CAND1: variants seen among roughly 807,000 people sequenced by gnomAD.
CAND1 encodes cullin associated and neddylation dissociated 1, also known as cullin-associated NEDD8-dissociated protein 1.
In CAND1, 7 loss-of-function variants were observed where a neutral mutation model predicts 108.5. That is an observed-to-expected ratio of 0.06 (90% CI 0.04 to 0.12). CAND1 has a LOEUF of 0.12. CAND1 is among the 10% of genes least tolerant of loss of function. The pLI, the probability that CAND1 is intolerant of heterozygous loss-of-function variation, is 1.00. For missense variants in CAND1, 941 were observed against 1,448.7 expected, an observed-to-expected ratio of 0.65 and a Z score of 5.69; for synonymous variants, 534 against 512.0, an observed-to-expected ratio of 1.04 and a Z score of -0.58.
chr12:67,295,314 A>G (rs1385181202), intron 4 of CAND1, among the ~76,000 whole-genome samples, 158 bp downstream of exon 4: 3 of 152,246 alleles, frequency 2.0e-5, no homozygotes, highest in Admixed American at 1.3e-4. Flanking sequence ...TGAGGGGGAA[A>G]TAAGCTAATT....
chr12:67,272,098 A>G (rs1029310618), intron 1 of CAND1, among the ~76,000 whole-genome samples: 2 of 152,238 alleles, frequency 1.3e-5, no homozygotes, highest in African/African-American at 4.8e-5. Flanking sequence ...TACATATTTT[A>G]AAAATACCTA....
chr12:67,303,220 T>C (rs1456922721), intron 8 of CAND1, among the ~76,000 whole-genome samples: 2 of 152,152 alleles, frequency 1.3e-5, no homozygotes, highest in Non-Finnish European at 2.9e-5. Context: ...GGCATTCTCC[T>C]ATCTTATATG....
In CAND1 at chr12:67,296,434, C is replaced by CT. The variant is rs879414948; in HGVS notation, c.492-962dup. ...AGAATACAGAAAATCATTTAGATTT[C>CT]TTTTTTTTTTTCTTTCTTGAGATGG... is the stretch of plus-strand genomic sequence containing the variant. On this transcript the variant is annotated intron_variant, in intron 4 of 14. Transcript: ENST00000545606. Among the ~76,000 whole-genome samples, 922 of 147,722 alleles carry CT rather than the reference C, an allele frequency of 6.2e-3. 10 individuals carry two copies. Among genetic ancestry groups the CT allele is most frequent in the African/African-American group, 0.02 (810 of 40,458 alleles).
At position 67,311,738 on chromosome 12, in the gene CAND1, A is replaced by G; in HGVS notation, c.3406A>G (p.Ser1136Gly). ...MLVRLSTLCP[S>G]AVLQRLDRLV... ...GGTGAGACTGTCTACCCTTTGTCCA[A>G]GTGCAGTACTGCAGAGGTTGGACCG... is the stretch of plus-strand genomic sequence containing the variant. The change falls in exon 14 of 15, where the codon AGT (serine) becomes GGT (glycine). Residue 1136 changes from serine (S) to glycine (G), a missense_variant. By Grantham distance (56) the Ser-to-Gly change is moderately conservative. Around this residue, in one of 9 missense-constraint regions of CAND1, gnomAD observed 22 missense variants for 24.4 expected, o/e 0.90. Transcript: ENST00000545606. 6.2e-7 allele frequency: 1 copy of G among 1,612,110 alleles called. No individual in the cohort carries two copies. The highest frequency in any genetic ancestry group is 8.5e-7 in the Non-Finnish European group (1 of 1,178,326).
chr12:67,282,872 A>C (rs1372395517), intron 2 of CAND1, among the ~76,000 whole-genome samples: 1 of 152,176 alleles, frequency 6.6e-6, no homozygotes, highest in Non-Finnish European at 1.5e-5. Flanking sequence ...TTGTGTATAC[A>C]TTGCAGTGGG....
chr12:67,270,096 G>C (rs1172080428), intron 1 of CAND1: 3 of 365,946 alleles, frequency 8.2e-6, no homozygotes, highest in African/African-American at 6.5e-5. Context: ...CAGGTAGCGC[G>C]AAGGGGCTAA....
At chr12:67,302,223 A>G in intron 7 of CAND1, 100 bp from the exon 8 acceptor site, 2 of 1,079,646 alleles carry the variant, frequency 1.9e-6, no homozygotes, top group Non-Finnish European at 2.7e-6. Flanking sequence ...CCGGAAAGTT[A>G]GATTAACTGA....
Position 67,310,188 on chromosome 12 carries a change from G to C in CAND1, c.3232G>C (p.Gly1078Arg). 6.2e-7 allele frequency: 1 copy of C among 1,612,976 alleles called. No individual in the cohort carries two copies. The highest frequency in any genetic ancestry group is 8.5e-7 in the Non-Finnish European group (1 of 1,179,282). ...TCCATTTAAACATACGGTTGATGAT[G>C]GTCTGGATATTAGAAAGGCAGCATT... is the stretch of plus-strand genomic sequence containing the variant. ...MGPFKHTVDDGLDIRKAAFEC... is the reference protein window; with the variant it reads ...MGPFKHTVDDRLDIRKAAFEC... Residue 1078 changes from glycine (G) to arginine (R), a missense_variant, in exon 13 of 15, where the codon GGT (glycine) becomes CGT (arginine). This residue lies in a region of CAND1 where 6 missense variants were observed against 33.3 expected (regional missense o/e 0.18). Coordinates refer to ENST00000545606, the MANE Select transcript of CAND1 (RefSeq NM_018448.5).
intron 2 of CAND1, among the ~76,000 whole-genome samples, chr12:67,283,660 C>A (rs2044641310): frequency 6.6e-6 from 1 of 150,936 alleles, no homozygotes; most frequent in Non-Finnish European, 1.5e-5. Flanking sequence ...CTTTTAATAT[C>A]TTTTTGCCAT....
At chr12:67,296,937 A>G (rs1469064735) in intron 4 of CAND1, among the ~76,000 whole-genome samples, 1 of 152,138 alleles carries the variant, frequency 6.6e-6, no homozygotes, top group South Asian at 2.1e-4. Context: ...AGCTGGGACT[A>G]CAGGCATGCA....
chr12:67,313,608 T>A lies in CAND1; in HGVS notation c.*778T>A, dbSNP rs1407512801. 2 of 152,584 alleles carry A rather than the reference T, an allele frequency of 1.3e-5. No homozygotes were observed. The highest frequency in any genetic ancestry group is 2.9e-5 in the Non-Finnish European group (2 of 68,012). The allele number at this position is 152,584 out of a possible 1,614,324, so 9.5% of individuals were successfully genotyped here. A position where few individuals can be genotyped will look rare whatever the true frequency, so the allele number is the denominator to read the frequency against. ...GGGTTTTCTTAATGCCAGTGTGAAT[T>A]TGCAGATGTTTTCAGAAAATCAAGT... On this transcript the variant is annotated 3_prime_UTR_variant, in exon 15 of 15. Transcript: ENST00000545606.
At position 67,309,962 on chromosome 12, in the gene CAND1, A is replaced by G. The variant is rs754054658; in HGVS notation, c.3087A>G (p.Thr1029=). The part of the protein sequence containing the change: ...DLNVRRVALV[T]FNSAAHNKPS... ...ATGTGAGAAGAGTAGCCTTGGTCAC[A>G]TTTAATTCAGCAGCACATAACAAGC... Residue 1029 remains threonine (T), a synonymous_variant, in exon 12 of 15, where the codon ACA becomes ACG. Coordinates refer to ENST00000545606, the MANE Select transcript of CAND1 (RefSeq NM_018448.5). 6.2e-7 allele frequency: 1 copy of G among 1,612,878 alleles called. No individual in the cohort carries two copies. The highest frequency in any genetic ancestry group is 8.5e-7 in the Non-Finnish European group (1 of 1,179,190).
chr12:67,292,921 T>G, intron 3 of CAND1, 145 bp downstream of exon 3: 1 of 688,468 alleles, frequency 1.5e-6, no homozygotes. Flanking sequence ...TTAAGAAAAT[T>G]AAAGCGTGAA....
intron 13 of CAND1, 89 bp downstream of exon 13, chr12:67,310,405 G>T (rs1177734496): frequency 1.5e-5 from 14 of 930,282 alleles, no homozygotes; most frequent in Non-Finnish European, 2.1e-5. Flanking sequence ...ATGTGTCTGA[G>T]AAAAATCAGG....
rs772294815 is a variant in CAND1 at position 67,297,656 on chromosome 12, T to C, written c.741T>C (p.His247=). The change falls in exon 5 of 15, where the codon CAT becomes CAC. Residue 247 remains histidine, a synonymous_variant. Transcript: ENST00000545606. ...CTGCTATTAGTAGGCAAGCTGGTCATAGAATAGGTAAGAAATCTTTAAAAG... is the reference window on the plus strand; with the variant it reads ...CTGCTATTAGTAGGCAAGCTGGTCACAGAATAGGTAAGAAATCTTTAAAAG... ...CIAAISRQAG[H]RIGEYLEKII... 1 of 1,609,732 alleles carries C rather than the reference T, an allele frequency of 6.2e-7. No homozygotes were observed. Among genetic ancestry groups the C allele is most frequent in the South Asian group, 1.1e-5 (1 of 90,424 alleles).
intron 8 of CAND1, 135 bp from the exon 9 acceptor site, chr12:67,304,470 C>G: frequency 1.2e-6 from 1 of 814,062 alleles, no homozygotes; most frequent in Non-Finnish European, 1.9e-6. Context: ...TTAGCAATAG[C>G]AATAGATAGC....
chr12:67,289,459 G>T (rs140607884), intron 2 of CAND1, among the ~76,000 whole-genome samples: 275 of 152,222 alleles, frequency 1.8e-3, no homozygotes, highest in African/African-American at 6.5e-3. Context: ...TGTGATCATG[G>T]CTCACTGCAG....
intron 3 of CAND1, among the ~76,000 whole-genome samples, chr12:67,294,461 A>G (rs2044750451): frequency 6.6e-6 from 1 of 152,208 alleles, no homozygotes; most frequent in East Asian, 1.9e-4. Context: ...ACTGAAGTTT[A>G]AAAGGCTAGT....
At chr12:67,302,924 A>G (rs2044840244) in intron 8 of CAND1, among the ~76,000 whole-genome samples, 1 of 152,210 alleles carries the variant, frequency 6.6e-6, no homozygotes, top group African/African-American at 2.4e-5. Context: ...AACTGACTTC[A>G]TTTCTAATTT....
Sources: allele counts gnomAD v4.1 joint callset (sites outside exome capture counted in the v4.1 genomes callset), GRCh38; gene constraint gnomAD v4.1.1; regional missense constraint gnomAD v4.1.1; transcripts MANE v1.5; gene names NCBI Gene and HGNC (gene_info 2026-07-23, HGNC 2026-07-21).